SASH1: variants seen among roughly 807,000 people sequenced by gnomAD.
SASH1 encodes SAM and SH3 domain containing 1.
Under a neutral mutation model 125.2 loss-of-function variants are expected in SASH1, and 44 were observed. That is an observed-to-expected ratio of 0.35 (90% confidence interval 0.28 to 0.45). SASH1 has a LOEUF of 0.45. Among genes scored for constraint, SASH1 ranks in the 20% least tolerant of loss-of-function variants. The pLI, the probability that SASH1 is intolerant of heterozygous loss-of-function variation, is 1.00. For missense variants in SASH1, 1,426 were observed against 1,614.5 expected, an observed-to-expected ratio of 0.88 and a Z score of 2.00; for synonymous variants, 639 against 649.1, an observed-to-expected ratio of 0.98 and a Z score of 0.24.
upstream of SASH1, among the ~76,000 whole-genome samples, chr6:148,340,326 T>C (rs1223115896): frequency 6.6e-6 from 1 of 151,644 alleles, no homozygotes; most frequent in Non-Finnish European, 1.5e-5. Flanking sequence ...CTACTAAAAA[T>C]ACAAAAATTA....
At chr6:148,410,302 G>A (rs919054354) in intron 2 of SASH1, among the ~76,000 whole-genome samples, 2 of 151,536 alleles carry the variant, frequency 1.3e-5, no homozygotes, top group Admixed American at 6.6e-5. Flanking sequence ...GTAGAGACGG[G>A]GTTTCACCAT....
chr6:148,206,546 T>C, the SASH1 span, among the ~76,000 whole-genome samples: 1 of 151,994 alleles, frequency 6.6e-6, no homozygotes, highest in South Asian at 2.1e-4. Flanking sequence ...TCCCAGCACT[T>C]TAGGAGGCCA....
chr6:148,426,597 A>G (rs1017823313), intron 2 of SASH1, among the ~76,000 whole-genome samples: 1 of 152,156 alleles, frequency 6.6e-6, no homozygotes, highest in African/African-American at 2.4e-5. Flanking sequence ...TAGAGTTGAA[A>G]TGCAAAGTGA....
the SASH1 span, among the ~76,000 whole-genome samples, chr6:148,202,932 C>T: frequency 1.3e-5 from 2 of 150,290 alleles, no homozygotes; most frequent in African/African-American, 4.9e-5. Context: ...CCAGCCTATG[C>T]AACAGAGCAA....
chr6:148,356,994 T>C (rs1191560025), intron 1 of SASH1, among the ~76,000 whole-genome samples: 1 of 152,186 alleles, frequency 6.6e-6, no homozygotes, highest in African/African-American at 2.4e-5. Flanking sequence ...CTTTTGAGAA[T>C]TGTCTATTCA....
At chr6:148,205,991 T>G in the SASH1 span, among the ~76,000 whole-genome samples, 3 of 152,228 alleles carry the variant, frequency 2.0e-5, no homozygotes. Context: ...ATGATTTTCA[T>G]GGGCTTTAGG....
intron 1 of SASH1, among the ~76,000 whole-genome samples, chr6:148,383,524 G>A (rs1435321582): frequency 6.6e-6 from 1 of 151,976 alleles, no homozygotes; most frequent in Non-Finnish European, 1.5e-5. Flanking sequence ...TTTCCCTTGG[G>A]GAAAACTTTA....
intron 2 of SASH1, among the ~76,000 whole-genome samples, chr6:148,426,006 C>T (rs947150307): frequency 6.6e-6 from 1 of 151,896 alleles, no homozygotes; most frequent in African/African-American, 2.4e-5. Context: ...GTCAGGAGTT[C>T]GAGACTAGCC....
Position 148,533,683 on chromosome 6 carries a change from T to C in SASH1, c.1735-88T>C. On this transcript the variant is annotated intron_variant, in intron 14 of 19. Coordinates refer to ENST00000367467, the MANE Select transcript of SASH1 (RefSeq NM_015278.5). This position sits in a 1 kb window ranked among gnomAD's most constrained non-coding sequence, Gnocchi z 6.2. ...TTCTGGCCTTTGTGGCATCTTCACT[T>C]CTGCATGACCTGTGTATCTGACAGA... 1 of 1,278,598 alleles carries C rather than the reference T, an allele frequency of 7.8e-7. No homozygotes were observed. 79.2% of individuals were successfully genotyped at this position (1,278,598 alleles called of 1,614,324 possible). A position where few individuals can be genotyped will look rare whatever the true frequency, so the allele number is the denominator to read the frequency against.
chr6:148,441,475 C>T (rs1469392588), intron 4 of SASH1, among the ~76,000 whole-genome samples: 3 of 152,082 alleles, frequency 2.0e-5, no homozygotes, highest in Non-Finnish European at 4.4e-5. Flanking sequence ...CTGTGCACAC[C>T]CCATCAGCTT....
intron 1 of SASH1, among the ~76,000 whole-genome samples, chr6:148,335,607 G>A (rs569853727): frequency 2.0e-5 from 3 of 152,046 alleles, no homozygotes; most frequent in Non-Finnish European, 4.4e-5. Flanking sequence ...CAAGAAAGGA[G>A]CAGGGAGGGA....
At chr6:148,410,574 C>T (rs1219239774) in intron 2 of SASH1, among the ~76,000 whole-genome samples, 1 of 152,150 alleles carries the variant, frequency 6.6e-6, no homozygotes, top group Non-Finnish European at 1.5e-5. Context: ...TTAAAGTTCT[C>T]AGAATTAGTT....
At chr6:148,482,340 T>C (rs528688499) in intron 7 of SASH1, among the ~76,000 whole-genome samples, 1 of 152,338 alleles carries the variant, frequency 6.6e-6, no homozygotes, top group Admixed American at 6.5e-5. Flanking sequence ...TAATTATTTA[T>C]ACTAAAGACT....
intron 1 of SASH1, among the ~76,000 whole-genome samples, chr6:148,313,026 C>A (rs538991094): frequency 6.0e-4 from 92 of 152,220 alleles, no homozygotes; most frequent in Non-Finnish European, 6.0e-4. Context: ...ACCAGCAAGA[C>A]AAAACAACAC....
At chr6:148,429,724 C>T (rs116838566) in intron 2 of SASH1, among the ~76,000 whole-genome samples, 2,675 of 151,928 alleles carry the variant, frequency 0.018, 81 homozygotes, top group African/African-American at 0.062. Flanking sequence ...GCCTGGGCGA[C>T]AGAGCAAGAT....
chr6:148,356,520 TGG>T (rs1781949185), intron 1 of SASH1, among the ~76,000 whole-genome samples: 2 of 142,758 alleles, frequency 1.4e-5, no homozygotes, highest in Admixed American at 7.0e-5. Context: ...TTTTTGAGAC[TGG>T]GTTTTGCTCT....
chr6:148,523,645 C>G (rs1780948476), intron 10 of SASH1, among the ~76,000 whole-genome samples: 1 of 152,138 alleles, frequency 6.6e-6, no homozygotes, highest in South Asian at 2.1e-4. Context: ...TATCTCCTGG[C>G]CCTCTCCAGA....
upstream of SASH1, among the ~76,000 whole-genome samples, chr6:148,338,861 C>T (rs761447958): frequency 6.6e-5 from 10 of 151,808 alleles, no homozygotes; most frequent in Non-Finnish European, 1.2e-4. Context: ...AAAAATTAGC[C>T]GGGCGTGGTG....
chr6:148,387,614 T>TTCTTTCTTTC (rs1783477588), intron 1 of SASH1, among the ~76,000 whole-genome samples: 1 of 24,416 alleles, frequency 4.1e-5, no homozygotes, highest in East Asian at 4.9e-4. Flanking sequence ...CTTTCTTTCT[T>TTCTTTCTTTC]TCTTTCTTTC....
Sources: gnomAD v4.1 joint callset for allele counts (sites outside exome capture counted in the v4.1 genomes callset) on GRCh38, gnomAD v4.1.1 for gene constraint, Gnocchi (gnomAD v3.1) non-coding constraint, MANE v1.5 for transcripts, NCBI Gene and HGNC (gene_info 2026-07-23, HGNC 2026-07-21) for gene names.